The following LPA variants were observed in gnomAD, a reference collection of about 807,000 sequenced individuals.
LPA encodes lipoprotein(a), also known as apolipoprotein(a).
LPA carries 199 observed loss-of-function variants against 197.9 expected under a neutral mutation model. That is an observed-to-expected ratio of 1.01 (90% CI 0.90 to 1.13). The LOEUF (loss-of-function observed/expected upper bound fraction) is 1.13, where lower values mean the gene tolerates loss of function less well. LPA is among the 50% of genes most tolerant of loss of function. The probability of loss-of-function intolerance (pLI) is 0.00; values close to 1 mark genes in which losing one functional copy is unlikely to be tolerated. For synonymous variants in LPA, 715 were observed against 639.5 expected (o/e 1.12, Z -1.78); for missense variants, 1,853 against 1,785.8 (o/e 1.04, Z -0.68).
intron 16 of LPA, among the ~76,000 whole-genome samples, chr6:160,609,723 G>A (rs898653668): frequency 2.0e-5 from 3 of 151,792 alleles, no homozygotes; most frequent in African/African-American, 4.8e-5. Flanking sequence ...TCTGAGGGTC[G>A]GTTAATTTTA....
At position 160,548,026 on chromosome 6, in the gene LPA, G is replaced by A. The variant is rs1028087128; in HGVS notation, c.5156-89C>T. ...GACGATACAGAATCAATGCAGTCAT[G>A]TCAGGCTTCTCTAGGACGACAGAAT... On this transcript the variant is annotated intron_variant, in intron 31 of 38. Coordinates refer to ENST00000316300, the MANE Select transcript of LPA (RefSeq NM_005577.4). 43 of 1,388,638 alleles carry A rather than the reference G, an allele frequency of 3.1e-5. No homozygotes were observed. In the South Asian group the frequency reaches 4.7e-4, roughly 15 times the overall value. The allele number at this position is 1,388,638 out of a possible 1,614,324, so 86.0% of individuals were successfully genotyped here.
intron 17 of LPA, among the ~76,000 whole-genome samples, chr6:160,605,848 G>A (rs1374507788): frequency 6.6e-6 from 1 of 152,094 alleles, no homozygotes; most frequent in Non-Finnish European, 1.5e-5. Context: ...TAATACAGAA[G>A]TCTCCGACTC....
chr6:160,562,177 T>C (rs9346820), intron 28 of LPA, among the ~76,000 whole-genome samples: 64,259 of 152,070 alleles, frequency 0.42, 14,415 homozygotes, highest in African/African-American at 0.59. Flanking sequence ...CAGCTTCTGC[T>C]CATTCAGTAT....
chr6:160,595,515 C>T lies in LPA; in HGVS notation c.3308G>A (p.Cys1103Tyr). The T allele has an allele frequency of 1.2e-6, 2 of 1,613,970 alleles. No individual in the cohort carries two copies. Among genetic ancestry groups the T allele is most frequent in the South Asian group, 2.2e-5 (2 of 91,080 alleles). Residue 1103 changes from cysteine to tyrosine, a missense_variant, in exon 21 of 39, where the codon TGC (cysteine) becomes TAC (tyrosine). By Grantham distance (194) the Cys-to-Tyr change is radical (BLOSUM62 -2). Transcript: ENST00000316300. ...YPNAGLTRNY[C>Y]RNPDAEIRPW... ...GCGAATCTCAGCATCTGGATTCCTG[C>T]AGTAGTTCCTGGTCAGGCCACTGCA... is the stretch of plus-strand genomic sequence containing the variant.
chr6:160,655,382 C>A (rs1303881271), intron 1 of LPA, among the ~76,000 whole-genome samples: 1 of 152,228 alleles, frequency 6.6e-6, no homozygotes, highest in Admixed American at 6.5e-5. Context: ...ACCATTGGAT[C>A]TGCGGGGTCA....
intron 26 of LPA, among the ~76,000 whole-genome samples, chr6:160,579,625 G>T (rs993511566): frequency 1.3e-5 from 2 of 152,156 alleles, no homozygotes; most frequent in Non-Finnish European, 2.9e-5. Flanking sequence ...CTTGGAGAAT[G>T]CCTTCCCCAT....
intron 1 of LPA, among the ~76,000 whole-genome samples, chr6:160,660,041 CAT>C (rs374791620): frequency 2.6e-5 from 4 of 152,344 alleles, no homozygotes; most frequent in African/African-American, 9.6e-5. Context: ...TATTGCAAAT[CAT>C]TATTAAGAAT....
At chr6:160,589,845 A>G in intron 23 of LPA, 133 bp from the exon 24 acceptor site, 1 of 983,468 alleles carries the variant, frequency 1.0e-6, no homozygotes, top group South Asian at 1.4e-5. Flanking sequence ...TAGTAGGCAG[A>G]TGGACATGCC....
chr6:160,608,574 C>A (rs1489044765), intron 16 of LPA, among the ~76,000 whole-genome samples: 1 of 152,090 alleles, frequency 6.6e-6, no homozygotes, highest in Non-Finnish European at 1.5e-5. Context: ...AAAAGTGCAT[C>A]ATACCAGATT....
chr6:160,573,882 A>C (rs1378979883), intron 28 of LPA, among the ~76,000 whole-genome samples: 2 of 151,964 alleles, frequency 1.3e-5, no homozygotes. Flanking sequence ...TTAATGCTCT[A>C]TTTTTGTGCT....
chr6:160,596,720 T>C (rs758160166), intron 20 of LPA, among the ~76,000 whole-genome samples: 7 of 152,218 alleles, frequency 4.6e-5, no homozygotes, highest in Non-Finnish European at 8.8e-5. Flanking sequence ...GGACTGTCTC[T>C]GAAGGTACTC....
intron 36 of LPA, among the ~76,000 whole-genome samples, chr6:160,538,719 C>T (rs1453676997): frequency 6.6e-6 from 1 of 152,154 alleles, no homozygotes; most frequent in Non-Finnish European, 1.5e-5. Flanking sequence ...CACTAGAAGG[C>T]CCAGCCTGTG....
intron 21 of LPA, among the ~76,000 whole-genome samples, chr6:160,594,660 G>A (rs906577594): frequency 2.0e-5 from 3 of 152,186 alleles, no homozygotes; most frequent in Non-Finnish European, 2.9e-5. Flanking sequence ...TTCCCTTGGA[G>A]GGATGGCTGG....
intron 26 of LPA, among the ~76,000 whole-genome samples, chr6:160,582,569 C>G (rs1026775758): frequency 1.3e-5 from 2 of 152,024 alleles, no homozygotes; most frequent in Admixed American, 1.3e-4. Flanking sequence ...CACTGTTACT[C>G]TATGTAAAGG....
intron 30 of LPA, among the ~76,000 whole-genome samples, chr6:160,555,277 A>T (rs1778236870): frequency 8.2e-6 from 1 of 122,254 alleles, no homozygotes; most frequent in Admixed American, 8.8e-5. Context: ...ATATTATATT[A>T]TATTATATTA....
At chr6:160,548,795 C>T in intron 30 of LPA, 136 bp from the exon 31 acceptor site, 1 of 857,650 alleles carries the variant, frequency 1.2e-6, no homozygotes, top group Non-Finnish European at 1.9e-6. Context: ...CATACAATTG[C>T]CACAACACAA....
chr6:160,650,665 A>G (rs1779989269), intron 1 of LPA, among the ~76,000 whole-genome samples, 168 bp from the exon 2 acceptor site: 1 of 152,254 alleles, frequency 6.6e-6, no homozygotes, highest in Non-Finnish European at 1.5e-5. Context: ...GATTCATATC[A>G]TTCTAGAACT....
chr6:160,650,561 T>A, intron 1 of LPA, 64 bp from the exon 2 acceptor site: 1 of 1,510,508 alleles, frequency 6.6e-7, no homozygotes, highest in Non-Finnish European at 9.2e-7. Flanking sequence ...TGTGAAGTCA[T>A]TTATGACACA....
chr6:160,588,711 G>A (rs544224837), intron 24 of LPA, among the ~76,000 whole-genome samples: 7 of 152,048 alleles, frequency 4.6e-5, no homozygotes, highest in Non-Finnish European at 8.8e-5. Context: ...CTGAGGCATC[G>A]CAGACTCCAG....
Sources: allele counts gnomAD v4.1 joint callset (sites outside exome capture counted in the v4.1 genomes callset), GRCh38; gene constraint gnomAD v4.1.1; transcripts MANE v1.5; gene names NCBI Gene and HGNC (gene_info 2026-07-23, HGNC 2026-07-21).